The following ERICH1 variants were observed in gnomAD, a reference collection of about 807,000 sequenced individuals.
The protein encoded by ERICH1 is glutamate-rich protein 1.
A neutral mutation model predicts 39.6 loss-of-function variants in ERICH1; 56 were observed. That is an observed-to-expected ratio of 1.41 (90% confidence interval 1.14 to 1.77). ERICH1 has a LOEUF of 1.77. Among genes scored for constraint, ERICH1 ranks in the 40% most tolerant of loss-of-function variants. ERICH1 has a pLI of 0.00. For synonymous variants in ERICH1, 313 were observed against 223.6 expected (o/e 1.40, Z -3.57); for missense variants, 826 against 575.4 (o/e 1.44, Z -4.45).
chr8:616,439 C>T, intron 3 of ERICH1: 1 of 443,360 alleles, frequency 2.3e-6, no homozygotes, highest in South Asian at 1.6e-5. Context: ...ACCCCATGCT[C>T]TCCTGGCTAA....
chr8:641,149 T>C (rs1669711), intron 3 of ERICH1: 57,594 of 152,054 alleles, frequency 0.38, 11,097 homozygotes, highest in South Asian at 0.47. Flanking sequence ...TGGCGTTTAA[T>C]CTATAATTTT....
rs932544230 is a variant in ERICH1, at chr8:731,184, A to T, written c.-23T>A. 1.3e-6 allele frequency: 2 copies of T among 1,497,884 alleles called. No homozygotes were observed. The highest frequency in any genetic ancestry group is 1.8e-6 in the Non-Finnish European group (2 of 1,125,994). 92.8% of individuals were successfully genotyped at this position (1,497,884 alleles called of 1,614,324 possible). On this transcript the variant is annotated 5_prime_UTR_variant, in exon 1 of 6. Transcript: ENST00000262109. ...CATGCGGGACCCTGCCGCGGACCTC[A>T]GACCACGGCGCGCGGTCCTGAGCTG...
At chr8:618,789 C>T (rs1002847413) in intron 3 of ERICH1, among the ~76,000 whole-genome samples, 8 of 152,092 alleles carry the variant, frequency 5.3e-5, no homozygotes, top group South Asian at 4.1e-4. Flanking sequence ...TGCAAGAGTA[C>T]GCAGACTGAG....
At chr8:726,784 C>G (rs931980225) in intron 1 of ERICH1, among the ~76,000 whole-genome samples, 13 of 151,782 alleles carry the variant, frequency 8.6e-5, no homozygotes, top group Non-Finnish European at 1.5e-4. Flanking sequence ...CACATACACA[C>G]ATACATGAAC....
At chr8:652,358 C>T (rs1800082854) in intron 3 of ERICH1, among the ~76,000 whole-genome samples, 1 of 152,200 alleles carries the variant, frequency 6.6e-6, no homozygotes, top group Non-Finnish European at 1.5e-5. Flanking sequence ...ATAAATGAGA[C>T]AACACAGGCT....
chr8:674,492 C>T (rs949627974), intron 3 of ERICH1, among the ~76,000 whole-genome samples: 33 of 151,906 alleles, frequency 2.2e-4, no homozygotes, highest in African/African-American at 7.0e-4. Context: ...TCAGTAGAGA[C>T]GGGGTTTCGC....
chr8:656,641 T>C, intron 3 of ERICH1: 2 of 660,818 alleles, frequency 3.0e-6, no homozygotes, highest in Non-Finnish European at 3.8e-6. Flanking sequence ...CCTGTCACTC[T>C]GACAAGTGTG....
At chr8:627,161 C>A in intron 3 of ERICH1, 1 of 456,304 alleles carries the variant, frequency 2.2e-6, no homozygotes, top group Non-Finnish European at 4.4e-6. Context: ...AGACCCAGGT[C>A]TGAGCTCACA....
rs1386792416 is a variant in ERICH1, at chr8:668,358, A to G, written c.1258+240T>C. The G allele has an allele frequency of 5.4e-6, 3 of 553,656 alleles. No homozygotes were observed. The Admixed American group carries it at 1.0e-4, about 19-fold the overall frequency. 34.3% of individuals were successfully genotyped at this position (553,656 alleles called of 1,614,324 possible). On this transcript the variant is annotated intron_variant, in intron 5 of 5. Coordinates refer to ENST00000262109, the MANE Select transcript of ERICH1 (RefSeq NM_207332.3). The stretch of plus-strand genomic sequence containing the variant: ...GGAAAATTTGGCTCCAAGAGTTGAC[A>G]GCTCCCAAGTCCGGAAACTTAGACT...
intron 3 of ERICH1, chr8:686,556 A>G (rs559987809): frequency 6.6e-6 from 1 of 152,392 alleles, no homozygotes; most frequent in South Asian, 2.1e-4. Flanking sequence ...CAAACAGCCA[A>G]TGCTATTCTC....
chr8:624,928 G>A lies in ERICH1; in HGVS notation c.977-9644C>T, dbSNP rs925244329. Among the ~76,000 whole-genome samples, 8 of 152,040 alleles carry A rather than the reference G, an allele frequency of 5.3e-5. No individual in the cohort carries two copies. The South Asian group carries it at 1.2e-3, about 24-fold the overall frequency. On this transcript the variant is annotated intron_variant, in intron 3 of 3. Coordinates refer to the ERICH1 transcript ENST00000522706. ...TTTTTAGTAGAGACGGGGTTTCACC[G>A]TGTTAGCCAGGATGGTCTTGATCTC... is the stretch of plus-strand genomic sequence containing the variant.
At chr8:617,367 G>A (rs919700414) in intron 3 of ERICH1, among the ~76,000 whole-genome samples, 1 of 152,146 alleles carries the variant, frequency 6.6e-6, no homozygotes, top group African/African-American at 2.4e-5. Context: ...ATGGCTCCAT[G>A]CCTGCCTCAC....
chr8:631,335 G>A (rs989951149), intron 3 of ERICH1, among the ~76,000 whole-genome samples: 1 of 152,264 alleles, frequency 6.6e-6, no homozygotes, highest in African/African-American at 2.4e-5. Context: ...GACCCAGTGA[G>A]GTGGTGAAGC....
chr8:703,677 G>A (rs1237704530), intron 2 of ERICH1, among the ~76,000 whole-genome samples: 2 of 152,200 alleles, frequency 1.3e-5, no homozygotes, highest in African/African-American at 2.4e-5. Flanking sequence ...CTGAGACGCA[G>A]TGACAAAAAC....
chr8:627,448 C>T (rs139967324), intron 3 of ERICH1, among the ~76,000 whole-genome samples: 19 of 152,306 alleles, frequency 1.2e-4, no homozygotes, highest in African/African-American at 4.1e-4. Context: ...CAGGCATTTG[C>T]GCTATGTTAT....
chr8:664,188 C>G, downstream of ERICH1: 1 of 964,200 alleles, frequency 1.0e-6, no homozygotes, highest in Non-Finnish European at 1.2e-6. Flanking sequence ...AAAAACTCAA[C>G]TATATTCAAA....
chr8:680,749 A>T (rs1227626260), intron 3 of ERICH1, among the ~76,000 whole-genome samples: 1 of 152,242 alleles, frequency 6.6e-6, no homozygotes, highest in East Asian at 1.9e-4. Flanking sequence ...TCAGGAGAAA[A>T]AGGAATGTGC....
At chr8:663,479 G>T (rs1408522110), downstream of ERICH1, among the ~76,000 whole-genome samples, 1 of 151,988 alleles carries the variant, frequency 6.6e-6, no homozygotes, top group African/African-American at 2.4e-5. Context: ...GAGGAAGAGA[G>T]ATTGGCACCC....
chr8:692,702 A>G (rs192289339), intron 2 of ERICH1, 90 bp from the exon 3 acceptor site: 114 of 1,366,578 alleles, frequency 8.3e-5, no homozygotes, highest in Admixed American at 2.2e-4. Context: ...TTGTTTCTCT[A>G]AATTCATTCA....
Sources: gnomAD v4.1 joint callset for allele counts (sites outside exome capture counted in the v4.1 genomes callset) on GRCh38, gnomAD v4.1.1 for gene constraint, MANE v1.5 for transcripts, NCBI Gene and HGNC (gene_info 2026-07-23, HGNC 2026-07-21) for gene names.